Variants in PCDHGA5 observed in about 807,000 individuals in gnomAD.
PCDHGA5 encodes the protein protocadherin gamma subfamily A, 5.
A neutral mutation model predicts 56.7 loss-of-function variants in PCDHGA5; 36 were observed. The observed-to-expected ratio is 0.64, with a 90% CI of 0.49 to 0.84. The LOEUF (loss-of-function observed/expected upper bound fraction) is 0.84, where lower values mean the gene tolerates loss of function less well. Ranked by LOEUF, PCDHGA5 falls within the 40% of genes least tolerant of loss-of-function variation. The probability of loss-of-function intolerance (pLI) is 0.00; values close to 1 mark genes in which losing one functional copy is unlikely to be tolerated. For synonymous variants in PCDHGA5, 563 were observed against 520.2 expected, an observed-to-expected ratio of 1.08 and a Z score of -1.12; for missense variants, 1,305 against 1,201.5, an observed-to-expected ratio of 1.09 and a Z score of -1.27.
At position 141,490,409 on chromosome 5, in the gene PCDHGA5, C is replaced by G; in HGVS notation, c.2422-4398C>G. On this transcript the variant is annotated intron_variant, in intron 1 of 3. Transcript: ENST00000518069. The surrounding 1 kb of genome is among the most constrained non-coding windows in gnomAD (Gnocchi z 5.4). ...AATGGTGAAGTGAGCCTTGATATCT[C>G]TCCGGACCTGCCATTTCAGATTAAG... 1 of 1,614,202 alleles carries G rather than the reference C, an allele frequency of 6.2e-7. No homozygotes were observed. Among genetic ancestry groups the G allele is most frequent in the Non-Finnish European group, 8.5e-7 (1 of 1,180,038 alleles).
chr5:141,377,445 A>T (rs1442230734), intron 1 of PCDHGA5: 1 of 152,050 alleles, frequency 6.6e-6, no homozygotes, highest in Admixed American at 6.6e-5. Flanking sequence ...AAAAGAAAAA[A>T]AAGTAGCCAG....
intron 1 of PCDHGA5, among the ~76,000 whole-genome samples, chr5:141,368,503 C>T (rs1016436156): frequency 3.3e-5 from 5 of 151,860 alleles, no homozygotes; most frequent in African/African-American, 7.3e-5. Flanking sequence ...CAGTAGGTGT[C>T]GACATTATTC....
At position 141,365,863 on chromosome 5, in the gene PCDHGA5, C is replaced by T. The variant is rs2149883393; in HGVS notation, c.1533C>T (p.Thr511=). The change falls in exon 1 of 4, where the codon ACC becomes ACT. Residue 511 remains threonine (T), a synonymous_variant. Transcript: ENST00000518069. ...LSSYVSINSD[T]GVLYALRSFD... ...CCTATGTATCCATTAACTCTGACAC[C>T]GGTGTCCTGTATGCTCTGAGATCCT... 13 of 1,614,038 alleles carry T rather than the reference C, an allele frequency of 8.1e-6. No homozygotes were observed. The highest frequency in any genetic ancestry group is 1.1e-5 in the South Asian group (1 of 91,080).
Position 141,486,589 on chromosome 5 carries a change from C to T in PCDHGA5, c.2422-8218C>T. On this transcript the variant is annotated intron_variant, in intron 1 of 3. Transcript: ENST00000518069. The surrounding 1 kb of genome is among the most constrained non-coding windows in gnomAD (Gnocchi z 5.0). ...TTCCTGAGAACAATCGCCCAGGGGA[C>T]CTGCTTTGCTCCCTTGCAGCCTCTG... 1 of 1,613,676 alleles carries T rather than the reference C, an allele frequency of 6.2e-7. No individual in the cohort carries two copies. Among genetic ancestry groups the T allele is most frequent in the African/African-American group, 1.3e-5 (1 of 75,064 alleles).
At chr5:141,419,635 G>A in intron 1 of PCDHGA5, 1 of 1,612,480 alleles carries the variant, frequency 6.2e-7, no homozygotes, top group African/African-American at 1.3e-5. Flanking sequence ...CCAAGGTGGT[G>A]GCCGTGGACG....
chr5:141,500,139 CT>C (rs2099796692), intron 2 of PCDHGA5, among the ~76,000 whole-genome samples: 2 of 151,768 alleles, frequency 1.3e-5, no homozygotes, highest in East Asian at 3.9e-4. Context: ...TCTTTCTAAA[CT>C]TTTCTTTGTG....
Position 141,489,680 on chromosome 5 carries a change from C to T in PCDHGA5, c.2422-5127C>T, listed in dbSNP as rs758765306. On this transcript the variant is annotated intron_variant, in intron 1 of 3. Coordinates refer to ENST00000518069, the MANE Select transcript of PCDHGA5 (RefSeq NM_018918.3). This position sits in a 1 kb window ranked among gnomAD's most constrained non-coding sequence, Gnocchi z 4.5. ...GAGATGCGCATCTCAGAATCAGCAG[C>T]ATCTGGGGCACGATTCCCACTGGAC... 2 of 1,614,070 alleles carry T rather than the reference C, an allele frequency of 1.2e-6. No individual in the cohort carries two copies. The highest frequency in any genetic ancestry group is 2.2e-5 in the East Asian group (1 of 44,886).
rs376527354 is a variant in PCDHGA5, at chr5:141,439,129, G to A, written c.2422-55678G>A. Among the ~76,000 whole-genome samples the A allele has an allele frequency of 7.3e-5, 11 of 151,064 alleles. No individual in the cohort carries two copies. The South Asian group carries it at 2.3e-3, about 32-fold the overall frequency. The stretch of plus-strand genomic sequence containing the variant: ...AATCACTTGAACCCGGGAGACAGAG[G>A]TTGCAGTGAGCTGAGATCACGCCAC... On this transcript the variant is annotated intron_variant, in intron 1 of 3. Coordinates refer to ENST00000518069, the MANE Select transcript of PCDHGA5 (RefSeq NM_018918.3).
chr5:141,392,546 T>A (rs1207052717), intron 1 of PCDHGA5: 1 of 336,090 alleles, frequency 3.0e-6, no homozygotes, highest in Non-Finnish European at 5.4e-6. Flanking sequence ...AGAAGTAATC[T>A]GTATCTCAGT....
At chr5:141,376,247 T>G in intron 1 of PCDHGA5, 1 of 1,614,192 alleles carries the variant, frequency 6.2e-7, no homozygotes, top group Non-Finnish European at 8.5e-7. Flanking sequence ...CTGGCACAAG[T>G]CACGCCTGCT....
intron 1 of PCDHGA5, chr5:141,430,537 A>T (rs1270804825): frequency 7.8e-6 from 3 of 385,890 alleles, no homozygotes; most frequent in African/African-American, 2.1e-5. Flanking sequence ...TAGGACTCTG[A>T]GCGCCGCTGT....
chr5:141,418,785 T>C, intron 1 of PCDHGA5: 1 of 1,613,862 alleles, frequency 6.2e-7, no homozygotes, highest in African/African-American at 1.3e-5. Flanking sequence ...CCTTTGGATT[T>C]TGAAGAAGTA....
At chr5:141,422,942 G>A (rs199976232) in intron 1 of PCDHGA5, 5 of 1,614,096 alleles carry the variant, frequency 3.1e-6, no homozygotes, top group Non-Finnish European at 4.2e-6. Flanking sequence ...CCCACAGACG[G>A]CTCCACTGGC....
At chr5:141,502,697 T>C (rs893610041) in intron 2 of PCDHGA5, among the ~76,000 whole-genome samples, 13 of 152,208 alleles carry the variant, frequency 8.5e-5, no homozygotes, top group African/African-American at 3.1e-4. Context: ...CTTGCCTGTA[T>C]CTGTTTTTAC....
intron 1 of PCDHGA5, chr5:141,479,290 T>C (rs1045200175): frequency 1.3e-5 from 2 of 152,438 alleles, no homozygotes; most frequent in Non-Finnish European, 2.9e-5. Flanking sequence ...AAAATAAATC[T>C]AGGCAACCCA....
In PCDHGA5 at chr5:141,365,052, T is replaced by A; in HGVS notation, c.722T>A (p.Leu241Gln). Reference protein sequence around the residue: ...TVLDANDNAPLFTPSEYSVSV... With the variant: ...TVLDANDNAPQFTPSEYSVSV... ...CTCGACGCAAACGACAATGCGCCCC[T>A]GTTCACCCCATCCGAGTACAGCGTG... Residue 241 changes from leucine to glutamine, a missense_variant, in exon 1 of 4, where the codon CTG (leucine) becomes CAG (glutamine). By Grantham distance (113) the Leu-to-Gln change is moderately radical. Transcript: ENST00000518069. 2 of 1,613,872 alleles carry A rather than the reference T, an allele frequency of 1.2e-6. No individual in the cohort carries two copies. Among genetic ancestry groups the A allele is most frequent in the Non-Finnish European group, 1.7e-6 (2 of 1,179,888 alleles).
intron 1 of PCDHGA5, chr5:141,389,767 G>T: frequency 1.2e-6 from 2 of 1,613,028 alleles, no homozygotes; most frequent in Non-Finnish European, 1.7e-6. Context: ...CGCACAGCGC[G>T]TGCCTTAGGC....
chr5:141,390,746 T>C (rs1391007986), intron 1 of PCDHGA5: 1 of 172,782 alleles, frequency 5.8e-6, no homozygotes, highest in African/African-American at 2.4e-5. Context: ...TCCATAGTAG[T>C]CCACTGTTTT....
chr5:141,489,348 G>T lies in PCDHGA5; in HGVS notation c.2422-5459G>T. On this transcript the variant is annotated intron_variant, in intron 1 of 3. Coordinates refer to ENST00000518069, the MANE Select transcript of PCDHGA5 (RefSeq NM_018918.3). The surrounding 1 kb of genome is among the most constrained non-coding windows in gnomAD (Gnocchi z 4.5). ...CTGGGCAGCTTCGTTACTCAGTGGT[G>T]GAGGAGTCTGAGCCGGGGACGCTGG... is the stretch of plus-strand genomic sequence containing the variant. 1 of 1,611,876 alleles carries T rather than the reference G, an allele frequency of 6.2e-7. No homozygotes were observed. The highest frequency in any genetic ancestry group is 8.5e-7 in the Non-Finnish European group (1 of 1,178,502).
Sources: gnomAD v4.1 joint callset for allele counts (sites outside exome capture counted in the v4.1 genomes callset) on GRCh38, gnomAD v4.1.1 for gene constraint, Gnocchi (gnomAD v3.1) non-coding constraint, MANE v1.5 for transcripts, NCBI Gene and HGNC (gene_info 2026-07-23, HGNC 2026-07-21) for gene names.